Variants in PKIB observed in about 807,000 individuals in gnomAD.
PKIB encodes the protein cAMP-dependent protein kinase inhibitor beta.
Under a neutral mutation model 4.5 loss-of-function variants are expected in PKIB, and 2 were observed. The ratio of observed to expected loss-of-function variants is 0.44; its 90% CI spans 0.18 to 1.39. The LOEUF is 1.39. Ranked by LOEUF, PKIB falls within the 40% of genes most tolerant of loss-of-function variation. PKIB has a pLI of 0.27. For synonymous variants in PKIB, 38 were observed against 36.0 expected (o/e 1.06, Z -0.20); for missense variants, 94 against 92.6 (o/e 1.02, Z -0.06).
chr6:122,637,779 TAATA>T (rs899057381), intron 2 of PKIB, among the ~76,000 whole-genome samples: 3 of 151,182 alleles, frequency 2.0e-5, no homozygotes, highest in East Asian at 1.9e-4. Flanking sequence ...TCATAATAAT[TAATA>T]AATAAATAAA....
intron 2 of PKIB, among the ~76,000 whole-genome samples, chr6:122,665,816 C>T (rs980675069): frequency 1.1e-4 from 16 of 152,270 alleles, no homozygotes; most frequent in African/African-American, 3.8e-4. Flanking sequence ...CCTCCACCCC[C>T]TAACCTGACA....
At chr6:122,475,967 T>A (rs1775442662) in intron 1 of PKIB, among the ~76,000 whole-genome samples, 1 of 152,220 alleles carries the variant, frequency 6.6e-6, no homozygotes, top group African/African-American at 2.4e-5. Context: ...GTATAAACTT[T>A]ATTTTTTATC....
At chr6:122,541,443 G>C (rs1222607520) in intron 2 of PKIB, among the ~76,000 whole-genome samples, 1 of 151,766 alleles carries the variant, frequency 6.6e-6, no homozygotes, top group Non-Finnish European at 1.5e-5. Context: ...CACTTATGAA[G>C]CTTAGTTTGG....
intron 2 of PKIB, among the ~76,000 whole-genome samples, chr6:122,659,887 A>C (rs1471193858): frequency 1.3e-5 from 2 of 152,194 alleles, no homozygotes; most frequent in Non-Finnish European, 1.5e-5. Context: ...TGGAAAAAAA[A>C]CAAGGAACTT....
chr6:122,576,404 C>T (rs9490483), intron 2 of PKIB, among the ~76,000 whole-genome samples: 22,480 of 151,288 alleles, frequency 0.15, 1,649 homozygotes, highest in East Asian at 0.21. Context: ...CGCGGTGGCT[C>T]ACGCCTGTAA....
At chr6:122,684,350 T>G (rs1778014072) in intron 3 of PKIB, among the ~76,000 whole-genome samples, 1 of 152,204 alleles carries the variant, frequency 6.6e-6, no homozygotes, top group South Asian at 2.1e-4. Context: ...AGTGTTATTT[T>G]TATCACAATA....
rs574917731 is a variant in PKIB at position 122,650,328 on chromosome 6, C to T, written c.-76+16961C>T. On this transcript the variant is annotated intron_variant, in intron 2 of 4. Transcript: ENST00000368452. ...TAATGGTGGCATTGAGCTCTGCAATCCCTCTAGGAATATAGATTTGCTTAT... is the reference window on the plus strand; with the variant it reads ...TAATGGTGGCATTGAGCTCTGCAATTCCTCTAGGAATATAGATTTGCTTAT... 8.7e-4 allele frequency among the ~76,000 whole-genome samples: 133 copies of T among 152,244 alleles called. No homozygotes were observed. In the Middle Eastern group the frequency reaches 0.01, roughly 12 times the overall value.
At chr6:122,538,020 G>A (rs1777461000) in intron 2 of PKIB, among the ~76,000 whole-genome samples, 1 of 151,802 alleles carries the variant, frequency 6.6e-6, no homozygotes, top group South Asian at 2.1e-4. Context: ...CTTTTTGATG[G>A]GGTTGTTTGT....
At chr6:122,539,254 T>C (rs1777510358) in intron 2 of PKIB, among the ~76,000 whole-genome samples, 1 of 152,058 alleles carries the variant, frequency 6.6e-6, no homozygotes, top group African/African-American at 2.4e-5. Context: ...ATCCCTGTCT[T>C]GTGCCAGTTT....
rs897923399 is a variant in PKIB, at chr6:122,717,969, A to G, written c.169+6A>G. On this transcript the variant is annotated splice_donor_region_variant and intron_variant, in intron 4 of 4. Transcript: ENST00000368452. ...GGCTCTCTCCGTGAAGGAAGGTAAT[A>G]CTCAAAATCCTCTTACAATTAACAG... is the stretch of plus-strand genomic sequence containing the variant. The G allele has an allele frequency of 1.2e-6, 2 of 1,609,930 alleles. No homozygotes were observed. Among genetic ancestry groups the G allele is most frequent in the South Asian group, 1.1e-5 (1 of 90,978 alleles).
chr6:122,700,382 T>G (rs1778763975), intron 3 of PKIB, among the ~76,000 whole-genome samples: 1 of 151,976 alleles, frequency 6.6e-6, no homozygotes, highest in Non-Finnish European at 1.5e-5. Context: ...CAAATTAGTA[T>G]CATCAGGGTT....
At chr6:122,478,744 A>G (rs1775517456) in intron 2 of PKIB, 1 of 152,192 alleles carries the variant, frequency 6.6e-6, no homozygotes, top group Non-Finnish European at 1.5e-5. Context: ...AAATGCCAAT[A>G]GGAGAAAGTG....
At chr6:122,511,353 G>A (rs965880324) in intron 2 of PKIB, among the ~76,000 whole-genome samples, 1 of 152,176 alleles carries the variant, frequency 6.6e-6, no homozygotes, top group Non-Finnish European at 1.5e-5. Context: ...GAGCTGCCAT[G>A]GCAAGCTCAA....
At chr6:122,723,478 T>G (rs1003460020) in intron 4 of PKIB, among the ~76,000 whole-genome samples, 15 of 152,172 alleles carry the variant, frequency 9.9e-5, no homozygotes, top group African/African-American at 3.6e-4. Context: ...CCTCTTTTTC[T>G]CGTATTCTCC....
intron 2 of PKIB, among the ~76,000 whole-genome samples, chr6:122,503,893 A>T (rs1386309066): frequency 2.0e-5 from 3 of 152,220 alleles, no homozygotes; most frequent in African/African-American, 7.2e-5. Context: ...AATGAAACCC[A>T]AAGTGGTTTC....
chr6:122,690,922 A>T (rs56138885), intron 3 of PKIB, among the ~76,000 whole-genome samples: 3,252 of 38,402 alleles, frequency 0.085, 126 homozygotes, highest in African/African-American at 0.16. Context: ...AAGGATATAT[A>T]TATATATATA....
intron 2 of PKIB, among the ~76,000 whole-genome samples, chr6:122,530,657 T>C (rs913490091): frequency 6.6e-6 from 1 of 152,144 alleles, no homozygotes. Flanking sequence ...TCTGGTGTTT[T>C]TCTGAGGAAC....
intron 2 of PKIB, among the ~76,000 whole-genome samples, chr6:122,524,918 C>T (rs764486911): frequency 2.0e-5 from 3 of 150,804 alleles, no homozygotes; most frequent in Admixed American, 6.6e-5. Flanking sequence ...AACATTTTTT[C>T]GTTTTGTTGA....
intron 2 of PKIB, chr6:122,481,287 A>G (rs1164503445): frequency 6.6e-6 from 1 of 152,244 alleles, no homozygotes; most frequent in Non-Finnish European, 1.5e-5. Context: ...ACATTATGCA[A>G]CATAAATGGC....
Sources: gnomAD v4.1 joint callset for allele counts (sites outside exome capture counted in the v4.1 genomes callset) on GRCh38, gnomAD v4.1.1 for gene constraint, MANE v1.5 for transcripts, NCBI Gene and HGNC (gene_info 2026-07-23, HGNC 2026-07-21) for gene names.